Variants in KATNAL1 observed in about 807,000 individuals in gnomAD.
The protein encoded by KATNAL1 is katanin catalytic subunit A1 like 1.
A neutral mutation model predicts 55.2 loss-of-function variants in KATNAL1; 32 were observed. The observed-to-expected ratio is 0.58, with a 90% CI of 0.44 to 0.78. The LOEUF is 0.78. KATNAL1 is among the 30% of genes least tolerant of loss of function. KATNAL1 has a pLI of 0.00. For synonymous variants in KATNAL1, 193 were observed against 193.6 expected (o/e 1.00, Z 0.02); for missense variants, 466 against 600.9 (o/e 0.78, Z 2.35).
At chr13:30,271,673 G>A (rs570845465) in intron 3 of KATNAL1, among the ~76,000 whole-genome samples, 1 of 152,204 alleles carries the variant, frequency 6.6e-6, no homozygotes, top group South Asian at 2.1e-4. Context: ...AACATGAGAT[G>A]TAGGCAGGGA....
rs865931720 is a variant in KATNAL1, at chr13:30,265,195, G to A, written c.324-9580C>T. On this transcript the variant is annotated intron_variant, in intron 3 of 10. Transcript: ENST00000380615. ...CAATGAGAACACATGGACACAGGAA[G>A]GGGAACATCACACTCTGGGGACTGT... Among the ~76,000 whole-genome samples, 14 of 150,556 alleles carry A rather than the reference G, an allele frequency of 9.3e-5. No homozygotes were observed. The South Asian group carries it at 1.9e-3, about 21-fold the overall frequency.
rs751844644 is a variant in KATNAL1 at position 30,231,547 on chromosome 13, T to G, written c.727-75A>C. 9 of 932,324 alleles carry G rather than the reference T, an allele frequency of 9.7e-6. No individual in the cohort carries two copies. The African/African-American group carries it at 1.2e-4, about 12-fold the overall frequency. The allele number at this position is 932,324 out of a possible 1,614,324, so 57.8% of individuals were successfully genotyped here. On this transcript the variant is annotated intron_variant, in intron 6 of 10. Transcript: ENST00000380615. ...TTTATAAATTATCATCAGCTATTAA[T>G]GTACATTGAGATTTTTCCATCAAAA...
chr13:30,262,525 G>T (rs1340993898), intron 3 of KATNAL1, among the ~76,000 whole-genome samples: 1 of 152,042 alleles, frequency 6.6e-6, no homozygotes, highest in East Asian at 1.9e-4. Context: ...AATAAAAAAT[G>T]GTAAAGGGGA....
intron 6 of KATNAL1, among the ~76,000 whole-genome samples, chr13:30,239,040 G>A (rs1403188562): frequency 6.6e-6 from 1 of 152,066 alleles, no homozygotes; most frequent in Non-Finnish European, 1.5e-5. Flanking sequence ...CTGAAATTCT[G>A]GAATTTACAT....
At position 30,236,808 on chromosome 13, in the gene KATNAL1, C is replaced by G. The variant is rs1287484715; in HGVS notation, c.726+3652G>C. On this transcript the variant is annotated intron_variant, in intron 6 of 10. Transcript: ENST00000380615. ...GTCCCATATAAACACTCTATACTTC[C>G]AGCCACACTGAACTACACAAGATTC... is the stretch of plus-strand genomic sequence containing the variant. Among the ~76,000 whole-genome samples the G allele has an allele frequency of 2.6e-5, 4 of 152,346 alleles. No individual in the cohort carries two copies. In the East Asian group the frequency reaches 7.7e-4, roughly 29 times the overall value.
intron 3 of KATNAL1, among the ~76,000 whole-genome samples, chr13:30,269,065 TCTCCCC>T (rs1447278391): frequency 7.2e-5 from 11 of 151,964 alleles, no homozygotes; most frequent in Non-Finnish European, 1.6e-4. Flanking sequence ...TCCCTCTCCC[TCTCCCC>T]CTCCCCCTCT....
intron 9 of KATNAL1, chr13:30,210,673 C>G: frequency 3.6e-6 from 1 of 275,626 alleles, no homozygotes; most frequent in East Asian, 5.9e-5. Context: ...AAAAAAAACA[C>G]CAAAAACCAC....
intron 1 of KATNAL1, among the ~76,000 whole-genome samples, chr13:30,289,803 T>C (rs1452553927): frequency 6.6e-6 from 1 of 152,210 alleles, no homozygotes; most frequent in Non-Finnish European, 1.5e-5. Flanking sequence ...AAACAGTGAT[T>C]ACAGTTCAGA....
rs534777542 is a variant in KATNAL1 at position 30,297,412 on chromosome 13, C to T, written c.-15+9919G>A. Among the ~76,000 whole-genome samples the T allele has an allele frequency of 7.9e-5, 12 of 152,188 alleles. No homozygotes were observed. The South Asian group carries it at 1.2e-3, about 16-fold the overall frequency. On this transcript the variant is annotated intron_variant, in intron 1 of 10. Transcript: ENST00000380615. ...ACAACAGATGCTGGCAAGGCTGCAGCGAAAAGGGAATACTTATACATTGTT... is the reference window on the plus strand; with the variant it reads ...ACAACAGATGCTGGCAAGGCTGCAGTGAAAAGGGAATACTTATACATTGTT...
intron 1 of KATNAL1, among the ~76,000 whole-genome samples, chr13:30,294,425 T>C (rs1004585081): frequency 5.9e-5 from 9 of 152,230 alleles, no homozygotes; most frequent in Admixed American, 5.2e-4. Flanking sequence ...AATATTCCCT[T>C]AAGCCAAAGC....
chr13:30,283,583 C>A (rs2137538625), intron 2 of KATNAL1, 33 bp downstream of exon 2: 1 of 1,603,062 alleles, frequency 6.2e-7, no homozygotes, highest in Non-Finnish European at 8.5e-7. Context: ...GTACTGCCAT[C>A]CTAACTCATC....
At chr13:30,304,461 G>GA (rs1883059105) in intron 1 of KATNAL1, among the ~76,000 whole-genome samples, 1 of 151,798 alleles carries the variant, frequency 6.6e-6, no homozygotes, top group South Asian at 2.1e-4. Context: ...GGAGAAACGA[G>GA]GTTTCACCAT....
At chr13:30,251,486 T>C (rs1354929093) in intron 4 of KATNAL1, among the ~76,000 whole-genome samples, 1 of 152,126 alleles carries the variant, frequency 6.6e-6, no homozygotes, top group African/African-American at 2.4e-5. Flanking sequence ...TAATAAAAGA[T>C]TCCCAAGGGA....
At chr13:30,304,301 C>T (rs1256936678) in intron 1 of KATNAL1, among the ~76,000 whole-genome samples, 2 of 149,558 alleles carry the variant, frequency 1.3e-5, no homozygotes, top group Non-Finnish European at 3.0e-5. Context: ...CACGGAGTCT[C>T]GCTCTGTCAC....
rs967174375 is a variant in KATNAL1 at position 30,263,862 on chromosome 13, T to A, written c.324-8247A>T. Among the ~76,000 whole-genome samples the A allele has an allele frequency of 6.1e-5, 9 of 147,044 alleles. No individual in the cohort carries two copies. The Admixed American group carries it at 6.2e-4, about 10-fold the overall frequency. Reference sequence around the variant, plus strand: ...GCTACCAATGACTTTCTTCACAGAATTGGAAAAAACTACTTTAAAGTTCAT... The same window carrying A: ...GCTACCAATGACTTTCTTCACAGAAATGGAAAAAACTACTTTAAAGTTCAT... On this transcript the variant is annotated intron_variant, in intron 3 of 10. Transcript: ENST00000380615.
At chr13:30,229,580 T>C (rs1376788808) in intron 8 of KATNAL1, among the ~76,000 whole-genome samples, 4 of 152,098 alleles carry the variant, frequency 2.6e-5, no homozygotes, top group African/African-American at 9.7e-5. Context: ...TAGCCAGATG[T>C]GGTGGCATGT....
intron 3 of KATNAL1, among the ~76,000 whole-genome samples, chr13:30,277,338 T>G (rs746192906): frequency 6.6e-6 from 1 of 152,190 alleles, no homozygotes; most frequent in Non-Finnish European, 1.5e-5. Flanking sequence ...TTCCATGAAG[T>G]AGAGATCCCC....
At chr13:30,220,798 A>C (rs1874775759) in intron 9 of KATNAL1, among the ~76,000 whole-genome samples, 1 of 151,770 alleles carries the variant, frequency 6.6e-6, no homozygotes, top group Non-Finnish European at 1.5e-5. Context: ...TCGTGGGTTC[A>C]AGTTGATTCT....
At chr13:30,269,917 C>A (rs1243493020) in intron 3 of KATNAL1, among the ~76,000 whole-genome samples, 3 of 151,546 alleles carry the variant, frequency 2.0e-5, no homozygotes, top group African/African-American at 7.3e-5. Flanking sequence ...GCCCCCTGCC[C>A]GGCCAGCCGC....
Sources: allele counts gnomAD v4.1 joint callset (sites outside exome capture counted in the v4.1 genomes callset), GRCh38; gene constraint gnomAD v4.1.1; transcripts MANE v1.5; gene names NCBI Gene and HGNC (gene_info 2026-07-23, HGNC 2026-07-21).